SLC25A51: variants seen among roughly 807,000 people sequenced by gnomAD.
SLC25A51 encodes the protein mitochondrial nicotinamide adenine dinucleotide transporter SLC25A51.
Under a neutral mutation model 19.1 loss-of-function variants are expected in SLC25A51, and 11 were observed. The observed-to-expected ratio is 0.58, with a 90% CI of 0.36 to 0.96. SLC25A51 has a LOEUF of 0.96. Among genes scored for constraint, SLC25A51 ranks in the 40% least tolerant of loss-of-function variants. SLC25A51 has a pLI of 0.01. For synonymous variants in SLC25A51, 105 were observed against 133.6 expected (o/e 0.79, Z 1.47); for missense variants, 201 against 365.4 (o/e 0.55, Z 3.67).
At chr9:37,898,448 G>A (rs1488073511) in intron 2 of SLC25A51, among the ~76,000 whole-genome samples, 1 of 152,110 alleles carries the variant, frequency 6.6e-6, no homozygotes, top group Non-Finnish European at 1.5e-5. Context: ...CTAGCTATTC[G>A]GGAGGCTGAG....
At chr9:37,894,232 G>A (rs1053335434) in intron 2 of SLC25A51, among the ~76,000 whole-genome samples, 2 of 152,008 alleles carry the variant, frequency 1.3e-5, no homozygotes, top group African/African-American at 4.8e-5. Context: ...GTGTGAGTGG[G>A]TATACAAAAG....
chr9:37,882,934 C>A (rs1260336277), downstream of SLC25A51, among the ~76,000 whole-genome samples: 1 of 152,198 alleles, frequency 6.6e-6, no homozygotes, highest in Non-Finnish European at 1.5e-5. Flanking sequence ...ACCTCCGCCT[C>A]CCAGGTTCAA....
downstream of SLC25A51, chr9:37,886,051 C>A: frequency 6.2e-7 from 1 of 1,611,130 alleles, no homozygotes; most frequent in Non-Finnish European, 8.5e-7. Flanking sequence ...CCCTTAAGTA[C>A]AACTGTACAG....
chr9:37,885,713 T>C (rs1228847264), downstream of SLC25A51: 14 of 1,409,400 alleles, frequency 9.9e-6, no homozygotes, highest in Non-Finnish European at 1.4e-5. Flanking sequence ...TGTTTCTCAG[T>C]GCCATTGTGA....
At chr9:37,890,653 G>A (rs1296783042) in intron 2 of SLC25A51, among the ~76,000 whole-genome samples, 1 of 151,776 alleles carries the variant, frequency 6.6e-6, no homozygotes, top group Non-Finnish European at 1.5e-5. Flanking sequence ...CTGTGTTCAT[G>A]TCACTGCGTT....
At position 37,890,711 on chromosome 9, in the gene SLC25A51, C is replaced by T. The variant is rs144461747; in HGVS notation, c.-42-2119G>A. Among the ~76,000 whole-genome samples the T allele has an allele frequency of 2.6e-3, 396 of 151,286 alleles. 3 individuals carry two copies. Among genetic ancestry groups the T allele is most frequent in the African/African-American group, 9.0e-3 (373 of 41,338 alleles). ...ACCCTGCTTTAAAAAAAAAAAAGAA[C>T]ATACGATCCAACAATCCTACTTCTG... On this transcript the variant is annotated intron_variant, in intron 2 of 2. Transcript: ENST00000242275.
At chr9:37,886,144 T>G (rs879148715), downstream of SLC25A51, 37 of 1,434,980 alleles carry the variant, frequency 2.6e-5, no homozygotes, top group Non-Finnish European at 3.5e-5. Context: ...CCCTCACCAA[T>G]CAACTCCCTA....
chr9:37,892,102 G>A (rs1018095803), intron 2 of SLC25A51, among the ~76,000 whole-genome samples: 10 of 152,032 alleles, frequency 6.6e-5, no homozygotes, highest in South Asian at 2.1e-4. Flanking sequence ...GTATTTAGAC[G>A]CAAAGTAAAA....
rs114290662 is a variant in SLC25A51, at chr9:37,893,546, C to G, written c.-42-4954G>C. Among the ~76,000 whole-genome samples the G allele has an allele frequency of 5.3e-3, 810 of 152,282 alleles. 6 individuals are homozygous for G. The highest frequency in any genetic ancestry group is 0.019 in the African/African-American group (771 of 41,550). ...AAACCTTTCACTGTCCCTCCCTGAT[C>G]AGGAGAGCCATACCACCTCTAAGGT... On this transcript the variant is annotated intron_variant, in intron 2 of 2. Coordinates refer to ENST00000242275, the MANE Select transcript of SLC25A51 (RefSeq NM_033412.4).
chr9:37,885,782 T>C (rs1406257682), downstream of SLC25A51: 5 of 1,589,492 alleles, frequency 3.1e-6, no homozygotes, highest in African/African-American at 1.3e-5. Flanking sequence ...TTTTCATGTT[T>C]AGTAAAGTGG....
At chr9:37,894,560 A>C (rs1039631289) in intron 2 of SLC25A51, among the ~76,000 whole-genome samples, 3 of 152,102 alleles carry the variant, frequency 2.0e-5, no homozygotes, top group Non-Finnish European at 2.9e-5. Flanking sequence ...TCCTGGGCTC[A>C]AGTGATCTGT....
chr9:37,896,198 C>G (rs1831710675), intron 2 of SLC25A51, among the ~76,000 whole-genome samples: 2 of 152,192 alleles, frequency 1.3e-5, no homozygotes, highest in Admixed American at 6.5e-5. Context: ...TCACTGATGA[C>G]TGAACTTTGT....
chr9:37,892,332 AT>A (rs1393504865), intron 2 of SLC25A51, among the ~76,000 whole-genome samples: 4 of 152,236 alleles, frequency 2.6e-5, no homozygotes, highest in African/African-American at 9.6e-5. Flanking sequence ...GGTGAAGCAC[AT>A]TTTAGCCAAT....
At chr9:37,883,095 T>C (rs1485805314), downstream of SLC25A51, among the ~76,000 whole-genome samples, 1 of 152,260 alleles carries the variant, frequency 6.6e-6, no homozygotes, top group Non-Finnish European at 1.5e-5. Context: ...TCCACCCGCC[T>C]TGGCCTCCCA....
At chr9:37,885,997 G>C (rs1831448109), downstream of SLC25A51, 1 of 1,613,632 alleles carries the variant, frequency 6.2e-7, no homozygotes, top group Admixed American at 1.7e-5. Flanking sequence ...TTGCCAATTG[G>C]TCTAATGACT....
At chr9:37,881,871 C>T (rs2118288208) in intron 2 of SLC25A51, among the ~76,000 whole-genome samples, 1 of 152,134 alleles carries the variant, frequency 6.6e-6, no homozygotes, top group African/African-American at 2.4e-5. Context: ...ACTACTCAAG[C>T]ATAAGAGAAG....
intron 2 of SLC25A51, among the ~76,000 whole-genome samples, chr9:37,896,709 T>C (rs759871502): frequency 1.1e-4 from 17 of 152,154 alleles, no homozygotes; most frequent in Middle Eastern, 3.2e-3. Flanking sequence ...GGCAGGAGAA[T>C]CACTTGAACC....
intron 2 of SLC25A51, among the ~76,000 whole-genome samples, chr9:37,890,153 G>A (rs1327750529): frequency 6.6e-6 from 1 of 152,138 alleles, no homozygotes; most frequent in Non-Finnish European, 1.5e-5. Flanking sequence ...GGGAGGCTGG[G>A]GCAGGAGGAT....
chr9:37,885,368 A>C (rs1726411), downstream of SLC25A51, among the ~76,000 whole-genome samples: 4 of 141,730 alleles, frequency 2.8e-5, no homozygotes, highest in Non-Finnish European at 4.6e-5. Context: ...AAAAAAAAAA[A>C]CCTTGTATTT....
Sources: gnomAD v4.1 joint callset for allele counts (sites outside exome capture counted in the v4.1 genomes callset) on GRCh38, gnomAD v4.1.1 for gene constraint, MANE v1.5 for transcripts, NCBI Gene and HGNC (gene_info 2026-07-23, HGNC 2026-07-21) for gene names.